BACH2: variants seen among roughly 807,000 people sequenced by gnomAD.
BACH2 encodes the protein BACH transcriptional regulator 2, also known as transcription regulator protein BACH2.
In BACH2, 5 loss-of-function variants were observed where a neutral mutation model predicts 61.8. The ratio of observed to expected loss-of-function variants is 0.08; its 90% CI spans 0.04 to 0.17. The LOEUF (loss-of-function observed/expected upper bound fraction) is 0.17. BACH2 is among the 10% of genes least tolerant of loss of function. The pLI, the probability that BACH2 is intolerant of heterozygous loss-of-function variation, is 1.00. For missense variants in BACH2, 824 were observed against 1,091.1 expected (o/e 0.76, Z 3.45); for synonymous variants, 446 against 440.1 (o/e 1.01, Z -0.17).
intron 4 of BACH2, among the ~76,000 whole-genome samples, chr6:90,134,050 T>C (rs1416854813): frequency 1.3e-5 from 2 of 152,248 alleles, no homozygotes; most frequent in East Asian, 1.9e-4. Context: ...TTTGGGTATA[T>C]ACCCAGTAAT....
intron 4 of BACH2, chr6:90,117,167 A>G (rs1582383229): frequency 1.1e-5 from 2 of 180,796 alleles, no homozygotes; most frequent in East Asian, 3.0e-4. Context: ...TGATCATGTC[A>G]CTTCCCTTCA....
At chr6:90,034,662 T>C (rs1779176289) in intron 5 of BACH2, among the ~76,000 whole-genome samples, 2 of 152,204 alleles carry the variant, frequency 1.3e-5, no homozygotes, top group Non-Finnish European at 2.9e-5. Context: ...CACTGATTTC[T>C]ATAATTACAG....
At chr6:90,120,577 G>A (rs1453913885) in intron 4 of BACH2, among the ~76,000 whole-genome samples, 1 of 152,144 alleles carries the variant, frequency 6.6e-6, no homozygotes, top group East Asian at 1.9e-4. Context: ...ATTTGCCAAA[G>A]TGGGTCCCTA....
intron 5 of BACH2, among the ~76,000 whole-genome samples, chr6:90,037,227 C>T (rs1161472570): frequency 6.6e-6 from 1 of 152,114 alleles, no homozygotes; most frequent in East Asian, 1.9e-4. Flanking sequence ...CATACCCATG[C>T]CCAGTGAAAA....
intron 2 of BACH2, among the ~76,000 whole-genome samples, chr6:90,259,312 T>C (rs1223906154): frequency 6.6e-6 from 1 of 152,230 alleles, no homozygotes; most frequent in Non-Finnish European, 1.5e-5. Flanking sequence ...GCTTTTTCTG[T>C]GTCAATTAAG....
At chr6:90,277,650 A>G (rs756929665) in intron 1 of BACH2, among the ~76,000 whole-genome samples, 7 of 152,248 alleles carry the variant, frequency 4.6e-5, no homozygotes, top group Non-Finnish European at 7.3e-5. Context: ...ATTCAATTAA[A>G]AAGAAATAAA....
At chr6:90,007,780 T>G (rs1336217802) in intron 6 of BACH2, among the ~76,000 whole-genome samples, 1 of 152,164 alleles carries the variant, frequency 6.6e-6, no homozygotes, top group Non-Finnish European at 1.5e-5. Context: ...ACAAAGCTTG[T>G]GTAACTGTTG....
At chr6:90,030,517 G>A (rs1778913472) in intron 5 of BACH2, among the ~76,000 whole-genome samples, 1 of 151,892 alleles carries the variant, frequency 6.6e-6, no homozygotes, top group Non-Finnish European at 1.5e-5. Flanking sequence ...AATGACAAAG[G>A]GGATATCACC....
At chr6:90,115,544 T>C (rs901141510) in intron 4 of BACH2, among the ~76,000 whole-genome samples, 3 of 152,116 alleles carry the variant, frequency 2.0e-5, no homozygotes, top group Non-Finnish European at 4.4e-5. Context: ...CACTTAAATG[T>C]AAAACTCCAA....
At chr6:90,296,299 A>C (rs1232807944) in intron 1 of BACH2, among the ~76,000 whole-genome samples, 181 bp downstream of exon 1, 1 of 151,310 alleles carries the variant, frequency 6.6e-6, no homozygotes, top group African/African-American at 2.4e-5. Flanking sequence ...TCCCGTTCCT[A>C]GAAAATGCCA....
intron 4 of BACH2, among the ~76,000 whole-genome samples, chr6:90,173,938 G>A (rs769441871): frequency 7.9e-5 from 12 of 152,140 alleles, no homozygotes; most frequent in Non-Finnish European, 1.8e-4. Flanking sequence ...GAAGAACTGC[G>A]TAGGCAAATA....
chr6:90,189,614 C>CA (rs59022545), intron 4 of BACH2, among the ~76,000 whole-genome samples: 6,780 of 47,026 alleles, frequency 0.14, 630 homozygotes, highest in African/African-American at 0.21. Flanking sequence ...GACTCCGTCT[C>CA]AAAAAAAAAA....
At chr6:90,114,988 A>C (rs1783331184) in intron 4 of BACH2, among the ~76,000 whole-genome samples, 1 of 152,130 alleles carries the variant, frequency 6.6e-6, no homozygotes, top group Non-Finnish European at 1.5e-5. Context: ...CTCTACAATA[A>C]GAATTACAAA....
chr6:90,032,941 A>G (rs887455155), intron 5 of BACH2, among the ~76,000 whole-genome samples: 9 of 152,206 alleles, frequency 5.9e-5, no homozygotes, highest in African/African-American at 1.4e-4. Context: ...ACAATAGCAA[A>G]GACTTGGAAC....
Position 90,065,270 on chromosome 6 carries a change from C to CTTTTTTTTT in BACH2, c.-13+23682_-13+23690dup, listed in dbSNP as rs71027920. Among the ~76,000 whole-genome samples, 146 of 52,666 alleles carry CTTTTTTTTT rather than the reference C, an allele frequency of 2.8e-3. 29 individuals are homozygous for CTTTTTTTTT. In the East Asian group the frequency reaches 0.079, roughly 29 times the overall value. The allele number at this position is 52,666 out of a possible 152,430, so 34.6% of individuals were successfully genotyped here. The stretch of plus-strand genomic sequence containing the variant: ...GCCACCCCACCCCCTGCCGCCCCCA[C>CTTTTTTTTT]TTTTTTTTTTTTTTTTTTTTTTTTT... On this transcript the variant is annotated intron_variant, in intron 5 of 8. Transcript: ENST00000257749.
rs377584550 is a variant in BACH2 at position 90,295,654 on chromosome 6, G to GGGGT, written c.-446+825_-446+826insACCC. On this transcript the variant is annotated intron_variant, in intron 1 of 8. Coordinates refer to ENST00000257749, the MANE Select transcript of BACH2 (RefSeq NM_021813.4). ...CTGGGGCTTGGAGACTGGAGTGTAG[G>GGGGT]GTGTGTGTGTGTGTGTGTGTGTGTG... Among the ~76,000 whole-genome samples, 822 of 147,828 alleles carry GGGGT rather than the reference G, an allele frequency of 5.6e-3. 10 individuals carry two copies. Among genetic ancestry groups the GGGGT allele is most frequent in the African/African-American group, 0.019 (770 of 40,266 alleles).
At chr6:90,144,573 C>T (rs1035076656) in intron 4 of BACH2, among the ~76,000 whole-genome samples, 3 of 152,218 alleles carry the variant, frequency 2.0e-5, no homozygotes, top group Non-Finnish European at 4.4e-5. Flanking sequence ...GCAGGTTTCA[C>T]TCCTCAGGTT....
intron 4 of BACH2, among the ~76,000 whole-genome samples, chr6:90,146,590 C>A (rs773646811): frequency 6.6e-6 from 1 of 152,192 alleles, no homozygotes; most frequent in Non-Finnish European, 1.5e-5. Flanking sequence ...CAGATGATCA[C>A]ACATACTTAA....
intron 3 of BACH2, among the ~76,000 whole-genome samples, chr6:90,237,621 GT>G (rs36048311): frequency 0.26 from 40,220 of 152,076 alleles, 6,149 homozygotes; most frequent in Non-Finnish European, 0.35. Flanking sequence ...CAAACCAATA[GT>G]TTACTTTCTC....
Sources: gnomAD v4.1 joint callset for allele counts (sites outside exome capture counted in the v4.1 genomes callset) on GRCh38, gnomAD v4.1.1 for gene constraint, MANE v1.5 for transcripts, NCBI Gene and HGNC (gene_info 2026-07-23, HGNC 2026-07-21) for gene names.